Variants in MOBP observed in about 807,000 individuals in gnomAD.
MOBP encodes myelin associated oligodendrocyte basic protein.
A neutral mutation model predicts 15.0 loss-of-function variants in MOBP; 5 were observed. The observed-to-expected ratio is 0.33, with a 90% CI of 0.17 to 0.70. MOBP has a LOEUF of 0.70. MOBP is among the 30% of genes least tolerant of loss of function. The probability of loss-of-function intolerance (pLI) is 0.67; values close to 1 mark genes in which losing one functional copy is unlikely to be tolerated. For missense variants in MOBP, 188 were observed against 257.8 expected, an observed-to-expected ratio of 0.73 and a Z score of 1.85; for synonymous variants, 88 against 99.0, an observed-to-expected ratio of 0.89 and a Z score of 0.66.
At chr3:39,488,763 C>T (rs1473552048) in intron 2 of MOBP, among the ~76,000 whole-genome samples, 2 of 152,146 alleles carry the variant, frequency 1.3e-5, no homozygotes, top group East Asian at 1.9e-4. Context: ...TACAACAAAT[C>T]GCACATCCAG....
intron 2 of MOBP, among the ~76,000 whole-genome samples, chr3:39,491,488 C>G (rs1053609981): frequency 1.3e-5 from 2 of 152,156 alleles, no homozygotes; most frequent in Admixed American, 1.3e-4. Context: ...TTATTTATAA[C>G]TTATGCTTCT....
downstream of MOBP, among the ~76,000 whole-genome samples, chr3:39,505,948 G>T (rs1249720779): frequency 1.3e-5 from 2 of 152,112 alleles, no homozygotes; most frequent in Non-Finnish European, 2.9e-5. Flanking sequence ...TCCCCAGACT[G>T]TCCTGGCTCC....
At chr3:39,468,971 T>C (rs1220765007) in intron 1 of MOBP, among the ~76,000 whole-genome samples, 1 of 104,760 alleles carries the variant, frequency 9.5e-6, no homozygotes, top group Non-Finnish European at 1.8e-5. Flanking sequence ...TATGTGTGTG[T>C]ATATATACAT....
Position 39,474,514 on chromosome 3 carries a change from A to G in MOBP, c.-88-5526A>G, listed in dbSNP as rs75069977. Among the ~76,000 whole-genome samples the G allele has an allele frequency of 9.6e-4, 146 of 152,348 alleles. 1 individual carries two copies. Among genetic ancestry groups the G allele is most frequent in the Middle Eastern group, 3.4e-3 (1 of 294 alleles). On this transcript the variant is annotated intron_variant, in intron 1 of 3. Transcript: ENST00000684792. ...TAAACAGAAAAGATACAGTAAAAAT[A>G]CAACATTATAATTTCCTGGGGCCAC...
chr3:39,470,310 A>G (rs953469523), intron 1 of MOBP, among the ~76,000 whole-genome samples: 7 of 152,174 alleles, frequency 4.6e-5, no homozygotes, highest in African/African-American at 1.7e-4. Flanking sequence ...ACTGTTAAAA[A>G]CTGTCCCCTT....
chr3:39,482,871 CCTCCCCAACCCCA>C (rs2042648753), intron 2 of MOBP, among the ~76,000 whole-genome samples: 1 of 152,018 alleles, frequency 6.6e-6, no homozygotes, highest in South Asian at 2.1e-4. Flanking sequence ...CTCAAATATA[CCTCCCCAACCCCA>C]ACTCAGAGCC....
At chr3:39,521,323 CT>C (rs1334021983) in intron 3 of MOBP, among the ~76,000 whole-genome samples, 1 of 152,162 alleles carries the variant, frequency 6.6e-6, no homozygotes, top group Non-Finnish European at 1.5e-5. Flanking sequence ...TATATAGTGA[CT>C]TTCTCATACA....
At chr3:39,511,874 GA>G (rs201946975) in intron 4 of MOBP, among the ~76,000 whole-genome samples, 8 of 150,104 alleles carry the variant, frequency 5.3e-5, no homozygotes, top group Admixed American at 1.3e-4. Flanking sequence ...AATTAAAATG[GA>G]AAAAAAAAGG....
At chr3:39,474,798 T>G (rs2042522523) in intron 1 of MOBP, among the ~76,000 whole-genome samples, 1 of 152,184 alleles carries the variant, frequency 6.6e-6, no homozygotes, top group African/African-American at 2.4e-5. Flanking sequence ...CAAGTAAGGT[T>G]TTTTTGCCTC....
Position 39,511,646 on chromosome 3 carries a change from A to G in MOBP, c.*-1737A>G, listed in dbSNP as rs766018041. On this transcript the variant is annotated intron_variant, in intron 4 of 4. Transcript: ENST00000311042. Reference sequence around the variant, plus strand: ...GAGCTCCCTTGATACTTCCACTGCTATAATTTGGACATCTTTGCTGATCAT... The same window carrying G: ...GAGCTCCCTTGATACTTCCACTGCTGTAATTTGGACATCTTTGCTGATCAT... 6.6e-5 allele frequency among the ~76,000 whole-genome samples: 10 copies of G among 152,252 alleles called. No homozygotes were observed. The South Asian group carries it at 1.7e-3, about 25-fold the overall frequency.
intron 4 of MOBP, chr3:39,513,249 A>G (rs1023694439): frequency 1.5e-6 from 1 of 654,950 alleles, no homozygotes; most frequent in Middle Eastern, 2.9e-4. Flanking sequence ...AAGAAATTAA[A>G]GAGAAGGATT....
At chr3:39,503,242 AG>A (rs2043002344), downstream of MOBP, among the ~76,000 whole-genome samples, 1 of 135,312 alleles carries the variant, frequency 7.4e-6, no homozygotes, top group Non-Finnish European at 1.6e-5. Context: ...TATAAGTAAA[AG>A]GAGAGGGTAA....
At chr3:39,494,791 C>CT (rs1559421088) in intron 2 of MOBP, among the ~76,000 whole-genome samples, 1 of 106,194 alleles carries the variant, frequency 9.4e-6, no homozygotes, top group African/African-American at 4.0e-5. Context: ...AGCCCCCCCC[C>CT]GCCCCCCGAG....
chr3:39,523,158 A>T (rs1187257403), intron 3 of MOBP, among the ~76,000 whole-genome samples: 1 of 152,194 alleles, frequency 6.6e-6, no homozygotes, highest in African/African-American at 2.4e-5. Flanking sequence ...CTAACAAAAA[A>T]TTGCTTTCAC....
intron 2 of MOBP, among the ~76,000 whole-genome samples, chr3:39,486,542 C>T (rs563538346): frequency 7.2e-4 from 110 of 152,120 alleles, no homozygotes; most frequent in African/African-American, 2.5e-3. Flanking sequence ...ACTATACTTC[C>T]AGCTTACCCT....
downstream of MOBP, among the ~76,000 whole-genome samples, chr3:39,516,709 A>G (rs2043206844): frequency 6.6e-6 from 1 of 152,252 alleles, no homozygotes; most frequent in Non-Finnish European, 1.5e-5. Flanking sequence ...TTTTGCCACT[A>G]CAGTTTTGCC....
chr3:39,482,345 G>C (rs2042639870), intron 2 of MOBP, among the ~76,000 whole-genome samples: 1 of 152,146 alleles, frequency 6.6e-6, no homozygotes, highest in Admixed American at 6.5e-5. Context: ...AGCTATGGAA[G>C]TGATCTTACA....
At chr3:39,512,993 C>A (rs816490) in intron 4 of MOBP, among the ~76,000 whole-genome samples, 39,494 of 152,102 alleles carry the variant, frequency 0.26, 5,872 homozygotes, top group African/African-American at 0.41. Context: ...TTTATAAGTG[C>A]ATATACTCTA....
chr3:39,493,871 T>G (rs601925), intron 2 of MOBP, among the ~76,000 whole-genome samples: 45,332 of 152,044 alleles, frequency 0.3, 9,139 homozygotes, highest in African/African-American at 0.57. Context: ...GAAGGAACCC[T>G]ATGGGACAAG....
Sources: allele counts gnomAD v4.1 joint callset (sites outside exome capture counted in the v4.1 genomes callset), GRCh38; gene constraint gnomAD v4.1.1; transcripts MANE v1.5; gene names NCBI Gene and HGNC (gene_info 2026-07-23, HGNC 2026-07-21).